The following BLOC1S6 variants were observed in gnomAD, a reference collection of about 807,000 sequenced individuals.
BLOC1S6 encodes the protein biogenesis of lysosomal organelles complex 1 subunit 6, also known as biogenesis of lysosome-related organelles complex 1 subunit 6.
In BLOC1S6, 24 loss-of-function variants were observed where a neutral mutation model predicts 24.7. The ratio of observed to expected loss-of-function variants is 0.97; its 90% CI spans 0.70 to 1.37. The LOEUF (loss-of-function observed/expected upper bound fraction) is 1.37. Among genes scored for constraint, BLOC1S6 ranks in the 40% most tolerant of loss-of-function variants. The probability of loss-of-function intolerance (pLI) is 0.00; values close to 1 mark genes in which losing one functional copy is unlikely to be tolerated. For missense variants in BLOC1S6, 175 were observed against 196.2 expected (o/e 0.89, Z 0.64); for synonymous variants, 76 against 72.6 (o/e 1.05, Z -0.23).
At chr15:45,606,353 C>T (rs1192601470) in intron 4 of BLOC1S6, 42 bp from the exon 5 acceptor site, 2 of 1,610,376 alleles carry the variant, frequency 1.2e-6, no homozygotes, top group Admixed American at 3.3e-5. Flanking sequence ...ACCTGTAACC[C>T]CTGATTGCTC....
chr15:45,605,199 A>G (rs1021023312), intron 3 of BLOC1S6, among the ~76,000 whole-genome samples: 10 of 152,210 alleles, frequency 6.6e-5, no homozygotes, highest in Admixed American at 5.2e-4. Context: ...ATAAATGTCT[A>G]TTTTATGTTT....
At chr15:45,606,305 C>A (rs1032643882) in intron 4 of BLOC1S6, 90 bp from the exon 5 acceptor site, 5 of 1,527,336 alleles carry the variant, frequency 3.3e-6, no homozygotes, top group African/African-American at 2.7e-5. Context: ...GAATGAATTA[C>A]CTCAAAGCAG....
chr15:45,605,830 T>TA (rs1242001541), intron 4 of BLOC1S6: 3 of 318,974 alleles, frequency 9.4e-6, no homozygotes, highest in East Asian at 7.9e-5. Flanking sequence ...CCTCAGGTGA[T>TA]ACGCCTGCCT....
In BLOC1S6 at chr15:45,590,502, A is replaced by G. The variant is rs555884178; in HGVS notation, c.83-1633A>G. On this transcript the variant is annotated intron_variant, in intron 1 of 4. Transcript: ENST00000220531. Reference sequence around the variant, plus strand: ...GGCACACTGCAGCCTCCACCTCCCAAGTTCAAGCAATTCTTGTGTCTTAGC... The same window carrying G: ...GGCACACTGCAGCCTCCACCTCCCAGGTTCAAGCAATTCTTGTGTCTTAGC... Among the ~76,000 whole-genome samples, 5 of 151,356 alleles carry G rather than the reference A, an allele frequency of 3.3e-5. No individual in the cohort carries two copies. The East Asian group carries it at 5.8e-4, about 18-fold the overall frequency.
intron 1 of BLOC1S6, chr15:45,587,880 A>C: frequency 1.5e-6 from 1 of 653,100 alleles, no homozygotes; most frequent in Non-Finnish European, 2.8e-6. Context: ...CAGAGAGGTG[A>C]CGTATCCTAT....
intron 2 of BLOC1S6, chr15:45,598,022 G>C (rs774064236): frequency 5.3e-6 from 1 of 190,344 alleles, no homozygotes; most frequent in Admixed American, 6.0e-5. Context: ...GGGATGCAAG[G>C]CTGGTTCAAT....
chr15:45,608,487 T>A lies in BLOC1S6; in HGVS notation c.*1973T>A, dbSNP rs1894558687. The A allele has an allele frequency of 6.6e-6, 1 of 152,240 alleles. No individual in the cohort carries two copies. The highest frequency in any genetic ancestry group is 2.1e-4 in the South Asian group (1 of 4,834). The allele number at this position is 152,240 out of a possible 1,614,324, so 9.4% of individuals were successfully genotyped here. On this transcript the variant is annotated 3_prime_UTR_variant, in exon 5 of 5. Coordinates refer to ENST00000220531, the MANE Select transcript of BLOC1S6 (RefSeq NM_012388.4). ...CAACTGCAGTGGTTGTTTAAAATGC[T>A]GGTTCCTGCACACAATTCTCTATCT...
At chr15:45,589,259 T>A (rs978530653) in intron 1 of BLOC1S6, among the ~76,000 whole-genome samples, 3 of 152,218 alleles carry the variant, frequency 2.0e-5, no homozygotes, top group African/African-American at 7.2e-5. Flanking sequence ...TGAGTAATAT[T>A]TCGTTTGTCA....
Position 45,606,777 on chromosome 15 carries a change from G to T in BLOC1S6, c.*263G>T. On this transcript the variant is annotated 3_prime_UTR_variant, in exon 5 of 5. Transcript: ENST00000220531. ...TTGAATTATTTATAAACTGGAAAGT[G>T]GTTTGATTATTGTGAGTCAAAACTC... 1 of 442,990 alleles carries T rather than the reference G, an allele frequency of 2.3e-6. No homozygotes were observed. The highest frequency in any genetic ancestry group is 4.0e-6 in the Non-Finnish European group (1 of 250,840). 27.4% of individuals were successfully genotyped at this position (442,990 alleles called of 1,614,324 possible). A position where few individuals can be genotyped will look rare whatever the true frequency, so the allele number is the denominator to read the frequency against.
chr15:45,596,994 A>G (rs1212603369), intron 2 of BLOC1S6, among the ~76,000 whole-genome samples: 2 of 152,182 alleles, frequency 1.3e-5, no homozygotes, highest in African/African-American at 4.8e-5. Flanking sequence ...TAGCTTTATA[A>G]TAAGTATTGA....
chr15:45,587,621 G>T, intron 1 of BLOC1S6, 96 bp downstream of exon 1: 3 of 1,265,966 alleles, frequency 2.4e-6, no homozygotes, highest in Admixed American at 2.1e-5. Context: ...GGGAGTAAGC[G>T]GTTTTTGGCG....
chr15:45,594,112 C>G (rs1004092810), intron 2 of BLOC1S6, among the ~76,000 whole-genome samples: 3 of 151,936 alleles, frequency 2.0e-5, no homozygotes, highest in African/African-American at 7.3e-5. Context: ...CACCTGGATT[C>G]TAGTCCTGGC....
chr15:45,587,597 C>T (rs189385429), intron 1 of BLOC1S6, 72 bp downstream of exon 1: 18 of 1,413,184 alleles, frequency 1.3e-5, no homozygotes, highest in African/African-American at 4.3e-5. Flanking sequence ...AGTAGAACTC[C>T]GGAGAAACCC....
intron 3 of BLOC1S6, among the ~76,000 whole-genome samples, chr15:45,604,813 C>G (rs1894392542): frequency 6.6e-6 from 1 of 152,216 alleles, no homozygotes; most frequent in South Asian, 2.1e-4. Flanking sequence ...ATCCTCCCAT[C>G]TTCTCCTGAC....
At chr15:45,588,522 C>G (rs1351415510) in intron 1 of BLOC1S6, among the ~76,000 whole-genome samples, 1 of 152,158 alleles carries the variant, frequency 6.6e-6, no homozygotes, top group Middle Eastern at 3.2e-3. Context: ...CTAGGGGATT[C>G]TCCTATACAA....
intron 2 of BLOC1S6, chr15:45,597,823 T>C (rs950263920): frequency 4.2e-5 from 13 of 307,734 alleles, no homozygotes; most frequent in Admixed American, 1.3e-4. Context: ...GACAGTATTA[T>C]TGCTTTCTTC....
intron 1 of BLOC1S6, among the ~76,000 whole-genome samples, chr15:45,588,167 G>A (rs545409947): frequency 6.6e-6 from 1 of 152,350 alleles, no homozygotes; most frequent in Non-Finnish European, 1.5e-5. Context: ...CCTTGGATAT[G>A]CTTTTTCTTT....
At chr15:45,596,956 T>C (rs1025773967) in intron 2 of BLOC1S6, among the ~76,000 whole-genome samples, 5 of 152,056 alleles carry the variant, frequency 3.3e-5, no homozygotes, top group African/African-American at 1.2e-4. Context: ...ATTACAGGAG[T>C]GAGTCACTGT....
chr15:45,605,905 A>T (rs994343716), intron 4 of BLOC1S6: 44 of 266,772 alleles, frequency 1.6e-4, no homozygotes, highest in African/African-American at 9.9e-4. Flanking sequence ...TCATATTTTG[A>T]CTTTTATACC....
Sources: allele counts gnomAD v4.1 joint callset (sites outside exome capture counted in the v4.1 genomes callset), GRCh38; gene constraint gnomAD v4.1.1; transcripts MANE v1.5; gene names NCBI Gene and HGNC (gene_info 2026-07-23, HGNC 2026-07-21).